DOCK2: variants seen among roughly 807,000 people sequenced by gnomAD.
DOCK2 encodes the protein dedicator of cytokinesis 2.
Under a neutral mutation model 248.9 loss-of-function variants are expected in DOCK2, and 87 were observed. The ratio of observed to expected loss-of-function variants is 0.35; its 90% confidence interval spans 0.29 to 0.42. The LOEUF is 0.42. Ranked by LOEUF, DOCK2 falls within the 10% of genes least tolerant of loss-of-function variation. The pLI, the probability that DOCK2 is intolerant of heterozygous loss-of-function variation, is 1.00. For synonymous variants in DOCK2, 805 were observed against 821.6 expected (o/e 0.98, Z 0.35); for missense variants, 1,747 against 2,300.2 (o/e 0.76, Z 4.92).
intron 26 of DOCK2, among the ~76,000 whole-genome samples, chr5:169,809,229 G>C (rs1407517605): frequency 6.6e-6 from 1 of 152,096 alleles, no homozygotes; most frequent in Non-Finnish European, 1.5e-5. Context: ...GACCTTAAGT[G>C]ATCTGCCCAC....
At chr5:169,762,377 G>A (rs868642455) in intron 25 of DOCK2, among the ~76,000 whole-genome samples, 1 of 152,182 alleles carries the variant, frequency 6.6e-6, no homozygotes, top group African/African-American at 2.4e-5. Flanking sequence ...ATTTTTGGGA[G>A]ATCATGGAAT....
chr5:170,067,554 G>A lies in DOCK2; in HGVS notation c.4512G>A (p.Thr1504=), dbSNP rs376411478. 5.1e-5 allele frequency: 83 copies of A among 1,613,906 alleles called. No homozygotes were observed. Among genetic ancestry groups the A allele is most frequent in the Non-Finnish European group, 6.6e-5 (78 of 1,179,994 alleles). The part of the protein sequence containing the change: ...PLENAIETMS[T]ANEKILMMIN... Reference sequence around the variant, plus strand: ...AGAATGCCATAGAAACCATGTCCACGGCCAATGAGAAGATCCTGATGATGA... The same window carrying A: ...AGAATGCCATAGAAACCATGTCCACAGCCAATGAGAAGATCCTGATGATGA... The change falls in exon 45 of 52, where the codon ACG becomes ACA. Residue 1504 remains threonine, a synonymous_variant. Transcript: ENST00000520908.
chr5:169,697,725 C>T (rs1760715877), intron 10 of DOCK2, among the ~76,000 whole-genome samples: 1 of 152,074 alleles, frequency 6.6e-6, no homozygotes, highest in Non-Finnish European at 1.5e-5. Flanking sequence ...GAGTGTTTGA[C>T]GTATTTTCTG....
intron 27 of DOCK2, among the ~76,000 whole-genome samples, chr5:169,951,741 A>G (rs572326943): frequency 6.6e-6 from 1 of 152,358 alleles, no homozygotes; most frequent in African/African-American, 2.4e-5. Context: ...GATTGTGCTC[A>G]AGTTTTGACT....
At chr5:169,975,373 T>G (rs1011528708) in intron 27 of DOCK2, among the ~76,000 whole-genome samples, 25 of 152,154 alleles carry the variant, frequency 1.6e-4, no homozygotes, top group South Asian at 2.1e-4. Context: ...AATCAATGGC[T>G]TCTCTTTGTA....
intron 40 of DOCK2, among the ~76,000 whole-genome samples, chr5:170,049,809 G>A (rs1483080742): frequency 6.6e-6 from 1 of 152,208 alleles, no homozygotes; most frequent in African/African-American, 2.4e-5. Context: ...GGTCAGGAAG[G>A]ATAAAGAGTG....
At chr5:169,675,202 C>T (rs1759263957) in intron 6 of DOCK2, among the ~76,000 whole-genome samples, 1 of 152,164 alleles carries the variant, frequency 6.6e-6, no homozygotes. Flanking sequence ...GAACTTAGAC[C>T]CAGGCAGTCT....
intron 24 of DOCK2, 160 bp from the exon 25 acceptor site, chr5:169,761,359 C>T: frequency 1.6e-6 from 1 of 635,396 alleles, no homozygotes; most frequent in South Asian, 2.0e-5. Flanking sequence ...ATACCAAGAA[C>T]AACTTGTACA....
chr5:169,852,083 G>A (rs1323084482), intron 27 of DOCK2, among the ~76,000 whole-genome samples: 1 of 152,198 alleles, frequency 6.6e-6, no homozygotes, highest in East Asian at 1.9e-4. Flanking sequence ...CAGAGAGAGA[G>A]AGGGAAAGAG....
At chr5:169,969,891 A>G (rs1777438268) in intron 27 of DOCK2, among the ~76,000 whole-genome samples, 1 of 152,246 alleles carries the variant, frequency 6.6e-6, no homozygotes, top group South Asian at 2.1e-4. Context: ...CAAATGTCCA[A>G]GAGAAACTGA....
chr5:169,847,099 T>A (rs138183082), intron 27 of DOCK2, among the ~76,000 whole-genome samples: 119 of 152,346 alleles, frequency 7.8e-4, no homozygotes, highest in African/African-American at 2.6e-3. Context: ...CATTAGCTGA[T>A]GGGCACTTAG....
intron 22 of DOCK2, among the ~76,000 whole-genome samples, chr5:169,724,751 CTTTT>C (rs57297495): frequency 6.9e-6 from 1 of 145,154 alleles, no homozygotes; most frequent in African/African-American, 2.5e-5. Flanking sequence ...TTTCTTTTGT[CTTTT>C]TTTTTTTTTT....
At chr5:169,907,760 G>T (rs966668768) in intron 27 of DOCK2, among the ~76,000 whole-genome samples, 2 of 152,118 alleles carry the variant, frequency 1.3e-5, no homozygotes, top group Non-Finnish European at 2.9e-5. Flanking sequence ...GGGTGACTTT[G>T]CCCCCACTCT....
chr5:169,864,588 A>G, intron 27 of DOCK2: 1 of 728,774 alleles, frequency 1.4e-6, no homozygotes, highest in South Asian at 2.0e-5. Flanking sequence ...TTAGGTACCT[A>G]CTGGCTCTTT....
intron 22 of DOCK2, among the ~76,000 whole-genome samples, chr5:169,729,774 G>C (rs919583590): frequency 7.9e-5 from 12 of 152,118 alleles, no homozygotes; most frequent in Non-Finnish European, 4.4e-5. Flanking sequence ...GTGAGGGTGG[G>C]GGGTAGCAGA....
intron 22 of DOCK2, among the ~76,000 whole-genome samples, chr5:169,727,830 T>C (rs1762562536): frequency 6.6e-6 from 1 of 152,204 alleles, no homozygotes; most frequent in Non-Finnish European, 1.5e-5. Context: ...CTTCTGCTTT[T>C]GGCGGTGGGG....
chr5:169,704,045 C>G lies in DOCK2; in HGVS notation c.1383+1618C>G, dbSNP rs191531692. ...CCCTTTCAAGTCACTACCGAGCAGG[C>G]TGAGCAGATGCACTTATCCAAGATG... is the stretch of plus-strand genomic sequence containing the variant. On this transcript the variant is annotated intron_variant, in intron 14 of 51. Transcript: ENST00000520908. 11 of 152,366 alleles carry G rather than the reference C, an allele frequency of 7.2e-5. No individual in the cohort carries two copies. The East Asian group carries it at 7.7e-4, about 11-fold the overall frequency. 9.4% of individuals were successfully genotyped at this position (152,366 alleles called of 1,614,324 possible).
At chr5:170,046,659 T>C (rs755413643) in intron 39 of DOCK2, among the ~76,000 whole-genome samples, 3 of 152,146 alleles carry the variant, frequency 2.0e-5, no homozygotes, top group Non-Finnish European at 4.4e-5. Flanking sequence ...GTTTGTAAGA[T>C]AATACACAAA....
chr5:169,956,366 G>T (rs1776866568), intron 27 of DOCK2, among the ~76,000 whole-genome samples: 1 of 152,208 alleles, frequency 6.6e-6, no homozygotes. Flanking sequence ...TAACTTAAGA[G>T]GCTGCTCCTG....
Sources: gnomAD v4.1 joint callset for allele counts (sites outside exome capture counted in the v4.1 genomes callset) on GRCh38, gnomAD v4.1.1 for gene constraint, MANE v1.5 for transcripts, NCBI Gene and HGNC (gene_info 2026-07-23, HGNC 2026-07-21) for gene names.